The following LANCL2 variants were observed in gnomAD, a reference collection of about 807,000 sequenced individuals.
LANCL2 encodes the protein lanC-like protein 2.
Under a neutral mutation model 56.9 loss-of-function variants are expected in LANCL2, and 33 were observed. The observed-to-expected ratio is 0.58, with a 90% CI of 0.44 to 0.78. The LOEUF (loss-of-function observed/expected upper bound fraction) is 0.78. Among genes scored for constraint, LANCL2 ranks in the 30% least tolerant of loss-of-function variants. The probability of loss-of-function intolerance (pLI) is 0.00; values close to 1 mark genes in which losing one functional copy is unlikely to be tolerated. For synonymous variants in LANCL2, 233 were observed against 228.2 expected (o/e 1.02, Z -0.19); for missense variants, 562 against 580.2 (o/e 0.97, Z 0.32).
intron 1 of LANCL2, among the ~76,000 whole-genome samples, chr7:55,373,929 G>T (rs1389023799): frequency 1.3e-5 from 2 of 152,334 alleles, no homozygotes; most frequent in African/African-American, 4.8e-5. Context: ...TGCTTGAATA[G>T]AATTGCATAT....
intron 5 of LANCL2, among the ~76,000 whole-genome samples, 197 bp downstream of exon 5, chr7:55,401,517 T>TTC (rs1790325756): frequency 2.1e-4 from 2 of 9,738 alleles, no homozygotes; most frequent in African/African-American, 4.0e-4. Context: ...TATGGAGTCT[T>TTC]TTTTTTTTTT....
chr7:55,416,228 A>G (rs1033292100), intron 6 of LANCL2, among the ~76,000 whole-genome samples: 5 of 152,100 alleles, frequency 3.3e-5, no homozygotes, highest in South Asian at 4.1e-4. Flanking sequence ...TTAATGTTGC[A>G]TGTGCTCATG....
chr7:55,412,742 A>G (rs1790485101), intron 6 of LANCL2, among the ~76,000 whole-genome samples: 1 of 152,236 alleles, frequency 6.6e-6, no homozygotes, highest in African/African-American at 2.4e-5. Flanking sequence ...TGTATTTAAC[A>G]CATCTGTGTT....
chr7:55,400,416 C>T (rs1790308136), intron 4 of LANCL2, among the ~76,000 whole-genome samples: 1 of 152,128 alleles, frequency 6.6e-6, no homozygotes, highest in African/African-American at 2.4e-5. Flanking sequence ...TGAGTGGGGA[C>T]CAGCTTCTTC....
At position 55,412,050 on chromosome 7, in the gene LANCL2, C is replaced by T. The variant is rs748834351; in HGVS notation, c.969C>T (p.Gly323=). 12 of 1,614,034 alleles carry T rather than the reference C, an allele frequency of 7.4e-6. No individual in the cohort carries two copies. The highest frequency in any genetic ancestry group is 4.0e-5 in the African/African-American group (3 of 74,926). Residue 323 remains glycine, a synonymous_variant, in exon 6 of 9, where the codon GGC becomes GGT. Transcript: ENST00000254770. ...ACCGGCTGGTGCACTGGTGCCACGG[C>T]GCCCCGGGGGTCATCCACATGCTCA... ...ETDRLVHWCH[G]APGVIHMLMQ... is the part of the protein sequence containing the mutation.
In LANCL2 at chr7:55,432,630, G is replaced by C. The variant is rs1448499386; in HGVS notation, c.*1310G>C. ...GCCCAGTCCTTGTCTGCAGGGGGAG[G>C]CCTGAGCATTTCCCAGCCCCAGTGT... On this transcript the variant is annotated 3_prime_UTR_variant, in exon 9 of 9. Coordinates refer to ENST00000254770, the MANE Select transcript of LANCL2 (RefSeq NM_018697.4). 1 of 151,654 alleles carries C rather than the reference G, an allele frequency of 6.6e-6. No individual in the cohort carries two copies. Among genetic ancestry groups the C allele is most frequent in the African/African-American group, 2.4e-5 (1 of 40,964 alleles). 9.4% of individuals were successfully genotyped at this position (151,654 alleles called of 1,614,324 possible). A position where few individuals can be genotyped will look rare whatever the true frequency, so the allele number is the denominator to read the frequency against.
intron 2 of LANCL2, chr7:55,394,024 G>C (rs906412821): frequency 6.6e-6 from 1 of 152,176 alleles, no homozygotes; most frequent in Non-Finnish European, 1.5e-5. Flanking sequence ...GTTCCAAACT[G>C]GCTATGCATC....
chr7:55,407,444 A>G (rs1163715387), intron 5 of LANCL2, among the ~76,000 whole-genome samples: 1 of 152,236 alleles, frequency 6.6e-6, no homozygotes, highest in Non-Finnish European at 1.5e-5. Flanking sequence ...GAAAGCCCCC[A>G]TTAAAAAGTT....
chr7:55,391,264 C>A (rs1020832714), intron 1 of LANCL2, among the ~76,000 whole-genome samples: 1 of 151,764 alleles, frequency 6.6e-6, no homozygotes, highest in Non-Finnish European at 1.5e-5. Context: ...GTGATCCGCC[C>A]GCCTCGGCCT....
intron 8 of LANCL2, among the ~76,000 whole-genome samples, chr7:55,429,184 A>G (rs1026989458): frequency 6.6e-6 from 1 of 151,520 alleles, no homozygotes; most frequent in Non-Finnish European, 1.5e-5. Flanking sequence ...CTAATAAACC[A>G]TGTTGAGAAG....
intron 2 of LANCL2, among the ~76,000 whole-genome samples, chr7:55,395,584 A>G (rs1790241023): frequency 6.6e-6 from 1 of 152,216 alleles, no homozygotes; most frequent in Non-Finnish European, 1.5e-5. Context: ...CTTAATAAAT[A>G]AGTGACTAAA....
chr7:55,417,434 T>C (rs993542270), intron 6 of LANCL2, among the ~76,000 whole-genome samples: 1 of 152,216 alleles, frequency 6.6e-6, no homozygotes, highest in Non-Finnish European at 1.5e-5. Flanking sequence ...ATTCAGTTAC[T>C]TTGGCCTGTT....
rs951829382 is a variant in LANCL2, at chr7:55,365,727, G to A, written c.-299G>A. The A allele has an allele frequency of 3.5e-6, 1 of 283,340 alleles. No homozygotes were observed. The highest frequency in any genetic ancestry group is 5.3e-5 in the Admixed American group (1 of 18,962). The allele number at this position is 283,340 out of a possible 1,614,324, so 17.6% of individuals were successfully genotyped here. Reference sequence around the variant, plus strand: ...CCACGGGGAAGGTGCGAGGAGGCGCGAGCAGGCTGTGAGCCGCTGGGCGCT... The same window carrying A: ...CCACGGGGAAGGTGCGAGGAGGCGCAAGCAGGCTGTGAGCCGCTGGGCGCT... On this transcript the variant is annotated 5_prime_UTR_variant, in exon 1 of 9. Transcript: ENST00000254770.
At chr7:55,381,195 T>C (rs965292001) in intron 1 of LANCL2, among the ~76,000 whole-genome samples, 2 of 152,168 alleles carry the variant, frequency 1.3e-5, no homozygotes, top group African/African-American at 4.8e-5. Flanking sequence ...CTGTAGGGTA[T>C]GTTATAGTGC....
chr7:55,403,697 G>A (rs1043838939), intron 5 of LANCL2, among the ~76,000 whole-genome samples: 3 of 148,364 alleles, frequency 2.0e-5, no homozygotes, highest in East Asian at 2.1e-4. Flanking sequence ...TCAGCCACCC[G>A]AGCAGCTGGG....
chr7:55,403,119 A>G (rs1790361283), intron 5 of LANCL2, among the ~76,000 whole-genome samples: 1 of 152,326 alleles, frequency 6.6e-6, no homozygotes, highest in Non-Finnish European at 1.5e-5. Context: ...GCGAGCCGAG[A>G]TCACGCCACT....
chr7:55,367,817 G>A (rs1429939273), intron 1 of LANCL2, among the ~76,000 whole-genome samples: 1 of 152,190 alleles, frequency 6.6e-6, no homozygotes, highest in Non-Finnish European at 1.5e-5. Flanking sequence ...CTAGCAAACT[G>A]CCTGATGTGG....
At chr7:55,388,443 G>A (rs1790149724) in intron 1 of LANCL2, among the ~76,000 whole-genome samples, 2 of 152,176 alleles carry the variant, frequency 1.3e-5, no homozygotes, top group Non-Finnish European at 2.9e-5. Flanking sequence ...CTACTTGGGA[G>A]GCTGAGGCAC....
chr7:55,414,229 T>C (rs1175745984), intron 6 of LANCL2, among the ~76,000 whole-genome samples: 1 of 152,082 alleles, frequency 6.6e-6, no homozygotes, highest in East Asian at 1.9e-4. Flanking sequence ...TGCACATCTG[T>C]TTGCGTCTCT....
Sources: allele counts gnomAD v4.1 joint callset (sites outside exome capture counted in the v4.1 genomes callset), GRCh38; gene constraint gnomAD v4.1.1; transcripts MANE v1.5; gene names NCBI Gene and HGNC (gene_info 2026-07-23, HGNC 2026-07-21).